Variants in ANKRD28 observed in about 807,000 individuals in gnomAD.
The protein encoded by ANKRD28 is ankyrin repeat domain 28, also known as serine/threonine-protein phosphatase 6 regulatory ankyrin repeat subunit A.
Under a neutral mutation model 126.5 loss-of-function variants are expected in ANKRD28, and 44 were observed. The ratio of observed to expected loss-of-function variants is 0.35; its 90% CI spans 0.27 to 0.45. The LOEUF is 0.45. Among genes scored for constraint, ANKRD28 ranks in the 20% least tolerant of loss-of-function variants. The pLI is 1.00. For synonymous variants in ANKRD28, 442 were observed against 468.5 expected (o/e 0.94, Z 0.73); for missense variants, 1,110 against 1,316.6 (o/e 0.84, Z 2.43).
At chr3:15,732,189 AAG>A (rs1262889395) in intron 6 of ANKRD28, 1 of 152,290 alleles carries the variant, frequency 6.6e-6, no homozygotes, top group East Asian at 1.9e-4. Context: ...TTAGAAAGGA[AAG>A]AGTTTGCCCC....
In ANKRD28 at chr3:15,685,244, G is replaced by T; in HGVS notation, c.2371C>A (p.His791Asn). 1 of 1,613,968 alleles carries T rather than the reference G, an allele frequency of 6.2e-7. No homozygotes were observed. Reference sequence around the variant, plus strand: ...ACTTAACCATTGTAGCAAGCCCAGTGAAGTGCCGTATATCCATGATTGTCT... The same window carrying T: ...ACTTAACCATTGTAGCAAGCCCAGTTAAGTGCCGTATATCCATGATTGTCT... Reference protein sequence around the residue: ...TADNHGYTALHWACYNGHETC... With the variant: ...TADNHGYTALNWACYNGHETC... Residue 791 changes from histidine (H) to asparagine (N), a missense_variant, in exon 21 of 28, where the codon CAC becomes AAC. Physicochemically the swap from His to Asn is moderately conservative, Grantham distance 68 (BLOSUM62 1). Coordinates refer to ENST00000683139, the MANE Select transcript of ANKRD28 (RefSeq NM_001349278.2).
At chr3:15,795,861 A>C (rs78074115) in intron 1 of ANKRD28, among the ~76,000 whole-genome samples, 5,758 of 152,230 alleles carry the variant, frequency 0.038, 354 homozygotes, top group African/African-American at 0.13. Flanking sequence ...AAACACATGC[A>C]TAACTAAATA....
intron 14 of ANKRD28, among the ~76,000 whole-genome samples, chr3:15,704,165 G>A (rs893388864): frequency 4.6e-5 from 7 of 152,072 alleles, no homozygotes; most frequent in Admixed American, 6.6e-5. Context: ...CATTGCGATA[G>A]CAGCCATATA....
chr3:15,683,884 T>G (rs1400857508), intron 21 of ANKRD28: 3 of 152,180 alleles, frequency 2.0e-5, no homozygotes, highest in African/African-American at 7.2e-5. Context: ...AAATCTCAAC[T>G]TCCTGGTAAG....
At chr3:15,700,284 C>G (rs867746989) in intron 14 of ANKRD28, among the ~76,000 whole-genome samples, 2 of 152,058 alleles carry the variant, frequency 1.3e-5, no homozygotes, top group African/African-American at 2.4e-5. Context: ...ACATCATACA[C>G]CGGGGCCTGT....
At chr3:15,760,415 T>C (rs941919579) in intron 3 of ANKRD28, among the ~76,000 whole-genome samples, 1 of 152,220 alleles carries the variant, frequency 6.6e-6, no homozygotes, top group Non-Finnish European at 1.5e-5. Flanking sequence ...TGAGAGTTAT[T>C]TGAAGAAACA....
chr3:15,828,472 T>C (rs1161001942), intron 1 of ANKRD28, among the ~76,000 whole-genome samples: 4 of 152,130 alleles, frequency 2.6e-5, no homozygotes, highest in African/African-American at 9.7e-5. Flanking sequence ...AGCTTTATTC[T>C]AAATATGTTT....
At chr3:15,855,236 T>C (rs2061739707) in intron 1 of ANKRD28, among the ~76,000 whole-genome samples, 1 of 152,158 alleles carries the variant, frequency 6.6e-6, no homozygotes, top group African/African-American at 2.4e-5. Flanking sequence ...TCTTAGTGTG[T>C]ACTTGATCAA....
chr3:15,737,188 G>C lies in ANKRD28; in HGVS notation c.397C>G (p.Arg133Gly). ...AAAGGGGTTTGCCAATTTTTGTCTCGAGCATTAACATCTGCAGAATGCTTC... is the reference window on the plus strand; with the variant it reads ...AAAGGGGTTTGCCAATTTTTGTCTCCAGCATTAACATCTGCAGAATGCTTC... ...LLKHSADVNA[R>G]DKNWQTPLHI... The change falls in exon 5 of 28, where the codon CGA (arginine) becomes GGA (glycine). Residue 133 changes from arginine to glycine, a missense_variant. Physicochemically the swap from Arg to Gly is moderately radical, Grantham distance 125. Coordinates refer to ENST00000683139, the MANE Select transcript of ANKRD28 (RefSeq NM_001349278.2). 1 of 1,613,860 alleles carries C rather than the reference G, an allele frequency of 6.2e-7. No homozygotes were observed.
intron 6 of ANKRD28, among the ~76,000 whole-genome samples, chr3:15,730,723 A>G (rs997147333): frequency 5.3e-5 from 8 of 152,204 alleles, no homozygotes; most frequent in Non-Finnish European, 1.0e-4. Flanking sequence ...GGGAAGGAAG[A>G]GACAGAAAAA....
chr3:15,702,341 T>C (rs1255612102), intron 14 of ANKRD28, among the ~76,000 whole-genome samples: 2 of 152,136 alleles, frequency 1.3e-5, no homozygotes, highest in Non-Finnish European at 2.9e-5. Context: ...AATGTGAACT[T>C]CATTAGAGGG....
At chr3:15,847,033 A>G (rs1483229926) in intron 1 of ANKRD28, among the ~76,000 whole-genome samples, 1 of 152,212 alleles carries the variant, frequency 6.6e-6, no homozygotes, top group Non-Finnish European at 1.5e-5. Context: ...AGTCTTTACC[A>G]CAAGAGGTTT....
At chr3:15,698,237 T>G (rs1464327247) in intron 14 of ANKRD28, among the ~76,000 whole-genome samples, 1 of 152,132 alleles carries the variant, frequency 6.6e-6, no homozygotes, top group South Asian at 2.1e-4. Flanking sequence ...ATGGAATGTA[T>G]CTCAAAATAG....
At chr3:15,855,140 T>C (rs943537895) in intron 1 of ANKRD28, among the ~76,000 whole-genome samples, 16 of 152,282 alleles carry the variant, frequency 1.1e-4, no homozygotes, top group African/African-American at 3.4e-4. Context: ...CTTCAAGTAT[T>C]TCATGCATTC....
At chr3:15,697,067 G>A (rs1300318629) in intron 14 of ANKRD28, among the ~76,000 whole-genome samples, 2 of 152,066 alleles carry the variant, frequency 1.3e-5, no homozygotes, top group Non-Finnish European at 1.5e-5. Flanking sequence ...GAACGAGTGC[G>A]TAAAGAAAAT....
intron 27 of ANKRD28, 22 bp downstream of exon 27, chr3:15,675,876 A>C (rs369385978): frequency 1.8e-5 from 29 of 1,568,912 alleles, no homozygotes; most frequent in Middle Eastern, 3.4e-4. Context: ...GGTTAAGGGA[A>C]GAGAATATAG....
At chr3:15,788,910 A>G (rs1185076770) in intron 2 of ANKRD28, among the ~76,000 whole-genome samples, 1 of 152,126 alleles carries the variant, frequency 6.6e-6, no homozygotes, top group Non-Finnish European at 1.5e-5. Context: ...ACCCCCCCAA[A>G]AAAAAAGAAG....
At chr3:15,697,299 G>T (rs2069752927) in intron 14 of ANKRD28, 1 of 152,950 alleles carries the variant, frequency 6.5e-6, no homozygotes, top group Admixed American at 6.6e-5. Flanking sequence ...TTCCCAAATT[G>T]TACCCAATAT....
intron 1 of ANKRD28, chr3:15,859,289 CG>C: frequency 6.7e-7 from 1 of 1,489,158 alleles, no homozygotes; most frequent in South Asian, 1.3e-5. Flanking sequence ...CCCCGCCGAG[CG>C]GGCGTCCCAG....
Sources: gnomAD v4.1 joint callset for allele counts (sites outside exome capture counted in the v4.1 genomes callset) on GRCh38, gnomAD v4.1.1 for gene constraint, MANE v1.5 for transcripts, NCBI Gene and HGNC (gene_info 2026-07-23, HGNC 2026-07-21) for gene names.